BMP6: variants seen among roughly 807,000 people sequenced by gnomAD.
BMP6 encodes the protein VG-1-R.
BMP6 carries 17 observed loss-of-function variants against 54.1 expected under a neutral mutation model. That is an observed-to-expected ratio of 0.31 (90% CI 0.22 to 0.47). The LOEUF is 0.47. Among genes scored for constraint, BMP6 ranks in the 20% least tolerant of loss-of-function variants. The pLI is 1.00. For missense variants in BMP6, 720 were observed against 690.4 expected, an observed-to-expected ratio of 1.04 and a Z score of -0.48; for synonymous variants, 328 against 291.2, an observed-to-expected ratio of 1.13 and a Z score of -1.28.
intron 1 of BMP6, among the ~76,000 whole-genome samples, chr6:7,819,522 T>TA (rs1758577184): frequency 1.3e-5 from 2 of 151,282 alleles, no homozygotes; most frequent in South Asian, 2.1e-4. Context: ...GAAGGAGAAG[T>TA]AAAAAAGGGA....
Position 7,875,334 on chromosome 6 carries a change from C to T in BMP6, c.1205-3740C>T, listed in dbSNP as rs1010654541. Among the ~76,000 whole-genome samples the T allele has an allele frequency of 3.3e-5, 5 of 152,152 alleles. No homozygotes were observed. In the East Asian group the frequency reaches 9.6e-4, roughly 29 times the overall value. On this transcript the variant is annotated intron_variant, in intron 4 of 6. Transcript: ENST00000283147. ...GTCTATTTTACTCAGTCTACTGACT[C>T]AAATACTTATTTCTTCCAGAAATAC...
At chr6:7,838,033 C>G (rs1462537169) in intron 1 of BMP6, among the ~76,000 whole-genome samples, 3 of 152,148 alleles carry the variant, frequency 2.0e-5, no homozygotes, top group Non-Finnish European at 2.9e-5. Context: ...GGCTCCCCAG[C>G]TTATTCCAAG....
intron 1 of BMP6, among the ~76,000 whole-genome samples, chr6:7,771,182 A>G (rs1337108170): frequency 6.6e-6 from 1 of 152,234 alleles, no homozygotes; most frequent in Non-Finnish European, 1.5e-5. Context: ...CCGCTGCAGA[A>G]TAACAGATAT....
intron 2 of BMP6, among the ~76,000 whole-genome samples, chr6:7,861,209 T>C (rs1044937791): frequency 2.0e-5 from 3 of 151,902 alleles, no homozygotes; most frequent in Non-Finnish European, 4.4e-5. Flanking sequence ...GTCTGCCGTG[T>C]CGGGGTGAAA....
intron 1 of BMP6, among the ~76,000 whole-genome samples, chr6:7,842,507 G>A (rs551839653): frequency 1.3e-5 from 2 of 152,200 alleles, no homozygotes; most frequent in South Asian, 4.2e-4. Context: ...GATGACAGCT[G>A]TCTTTCCTCA....
At chr6:7,847,096 C>G (rs541501172) in intron 2 of BMP6, among the ~76,000 whole-genome samples, 2 of 152,270 alleles carry the variant, frequency 1.3e-5, no homozygotes, top group South Asian at 4.2e-4. Context: ...CAAAAAAGAA[C>G]AGCTGCCCTG....
At chr6:7,810,537 C>A (rs77361705) in intron 1 of BMP6, among the ~76,000 whole-genome samples, 1,848 of 152,210 alleles carry the variant, frequency 0.012, 43 homozygotes, top group African/African-American at 0.041. Context: ...AGACATGTAC[C>A]TGTACATGGG....
At chr6:7,858,531 G>A (rs1347515129) in intron 2 of BMP6, among the ~76,000 whole-genome samples, 1 of 152,050 alleles carries the variant, frequency 6.6e-6, no homozygotes, top group Non-Finnish European at 1.5e-5. Context: ...CCTCTGCCCT[G>A]TCTGCTTCAT....
intron 1 of BMP6, among the ~76,000 whole-genome samples, chr6:7,832,289 C>T (rs1184258379): frequency 2.0e-5 from 3 of 152,154 alleles, no homozygotes; most frequent in African/African-American, 7.2e-5. Flanking sequence ...AAACCTAACC[C>T]CCAAGGTGAT....
At chr6:7,823,396 C>G (rs920586305) in intron 1 of BMP6, among the ~76,000 whole-genome samples, 1 of 152,104 alleles carries the variant, frequency 6.6e-6, no homozygotes, top group Non-Finnish European at 1.5e-5. Context: ...GAAGGTTACT[C>G]AAAGAATTAT....
chr6:7,826,028 C>A (rs1204172406), intron 1 of BMP6, among the ~76,000 whole-genome samples: 1 of 152,236 alleles, frequency 6.6e-6, no homozygotes, highest in Non-Finnish European at 1.5e-5. Flanking sequence ...CACACCAGCT[C>A]TGCAGCCAGA....
intron 1 of BMP6, among the ~76,000 whole-genome samples, chr6:7,736,942 C>T (rs762483136): frequency 6.6e-6 from 1 of 152,146 alleles, no homozygotes; most frequent in Non-Finnish European, 1.5e-5. Flanking sequence ...AATCCCAGCA[C>T]TTTGGGAGGC....
chr6:7,832,543 C>T (rs988670169), intron 1 of BMP6, among the ~76,000 whole-genome samples: 3 of 152,062 alleles, frequency 2.0e-5, no homozygotes, highest in African/African-American at 4.8e-5. Context: ...TATTTTGTTA[C>T]AGCAGCCCAA....
intron 1 of BMP6, 116 bp downstream of exon 1, chr6:7,727,735 G>T (rs1761769078): frequency 8.1e-7 from 1 of 1,241,180 alleles, no homozygotes. Flanking sequence ...CGCCTGGTGC[G>T]CCAGAGAACG....
intron 1 of BMP6, among the ~76,000 whole-genome samples, chr6:7,754,792 A>G (rs541270697): frequency 3.3e-5 from 5 of 152,230 alleles, no homozygotes; most frequent in African/African-American, 1.2e-4. Flanking sequence ...ATCTCGGCTC[A>G]CTGCAAGCTC....
intron 1 of BMP6, among the ~76,000 whole-genome samples, chr6:7,772,826 C>G (rs947495320): frequency 4.6e-5 from 7 of 152,200 alleles, no homozygotes; most frequent in Non-Finnish European, 8.8e-5. Context: ...AGATTCCCCT[C>G]CCCTAGTTGG....
At position 7,727,195 on chromosome 6, in the gene BMP6, G is replaced by C. The variant is rs1377358140; in HGVS notation, c.240G>C (p.Gln80His). Residue 80 changes from glutamine (Q) to histidine (H), a missense_variant, in exon 1 of 7, where the codon CAG becomes CAC. Physicochemically the swap from Gln to His is conservative, Grantham distance 24. This residue lies in a region of BMP6 where 650 missense variants were observed against 556.3 expected (regional missense o/e 1.17). Coordinates refer to ENST00000283147, the MANE Select transcript of BMP6 (RefSeq NM_001718.6). The part of the protein sequence containing the change: ...RLKTQEKREM[Q>H]KEILSVLGLP... ...AGACGCAGGAGAAGCGGGAGATGCA[G>C]AAGGAGATCTTGTCGGTGCTGGGGC... 1.9e-6 allele frequency: 3 copies of C among 1,604,166 alleles called. No homozygotes were observed. In the African/African-American group the frequency reaches 4.0e-5, roughly 22 times the overall value.
At position 7,727,189 on chromosome 6, in the gene BMP6, G is replaced by T; in HGVS notation, c.234G>T (p.Glu78Asp). 6.2e-7 allele frequency: 1 copy of T among 1,602,612 alleles called. No homozygotes were observed. The highest frequency in any genetic ancestry group is 8.5e-7 in the Non-Finnish European group (1 of 1,175,454). ...GGCTCAAGACGCAGGAGAAGCGGGA[G>T]ATGCAGAAGGAGATCTTGTCGGTGC... ...YRRLKTQEKR[E>D]MQKEILSVLG... Residue 78 changes from glutamate (E) to aspartate (D), a missense_variant, in exon 1 of 7, where the codon GAG becomes GAT. Glu to Asp is a conservative substitution (Grantham distance 45). Transcript: ENST00000283147.
chr6:7,880,615 T>C lies in BMP6; in HGVS notation c.*272T>C. The stretch of plus-strand genomic sequence containing the variant: ...CTGCAGAAACATAACCGTGAAGCTC[T>C]TCCTACCCTCCTCCCCCAAAAACCC... On this transcript the variant is annotated 3_prime_UTR_variant, in exon 7 of 7. Coordinates refer to ENST00000283147, the MANE Select transcript of BMP6 (RefSeq NM_001718.6). The C allele has an allele frequency of 2.1e-6, 1 of 468,182 alleles. No homozygotes were observed. The highest frequency in any genetic ancestry group is 3.0e-5 in the South Asian group (1 of 33,252). 29.0% of individuals were successfully genotyped at this position (468,182 alleles called of 1,614,324 possible).
Sources: gnomAD v4.1 joint callset for allele counts (sites outside exome capture counted in the v4.1 genomes callset) on GRCh38, gnomAD v4.1.1 for gene constraint, gnomAD v4.1.1 regional missense constraint, MANE v1.5 for transcripts, NCBI Gene and HGNC (gene_info 2026-07-23, HGNC 2026-07-21) for gene names.